FAXC: variants seen among roughly 807,000 people sequenced by gnomAD.
The protein encoded by FAXC is failed axon connections homolog, metaxin like GST domain containing.
A neutral mutation model predicts 41.9 loss-of-function variants in FAXC; 10 were observed. That is an observed-to-expected ratio of 0.24 (90% CI 0.15 to 0.41). The LOEUF is 0.41. FAXC is among the 10% of genes least tolerant of loss of function. FAXC has a pLI of 1.00. For missense variants in FAXC, 399 were observed against 510.9 expected (o/e 0.78, Z 2.11); for synonymous variants, 183 against 183.8 (o/e 1.00, Z 0.03).
chr6:99,305,212 CTT>C (rs974176092), intron 4 of FAXC, among the ~76,000 whole-genome samples: 1 of 152,146 alleles, frequency 6.6e-6, no homozygotes, highest in Non-Finnish European at 1.5e-5. Context: ...GGTAACCACT[CTT>C]AGTGTTAAAA....
chr6:99,349,029 G>A, intron 1 of FAXC, 78 bp downstream of exon 1: 1 of 1,394,156 alleles, frequency 7.2e-7, no homozygotes, highest in Non-Finnish European at 9.9e-7. Flanking sequence ...GGGCTGGCAC[G>A]GGCCCCTCTC....
chr6:99,310,572 T>A (rs1772115611), intron 4 of FAXC, among the ~76,000 whole-genome samples: 1 of 152,244 alleles, frequency 6.6e-6, no homozygotes, highest in African/African-American at 2.4e-5. Flanking sequence ...GTTTAGAGAA[T>A]GCTTAGAACC....
intron 1 of FAXC, among the ~76,000 whole-genome samples, chr6:99,348,872 G>A (rs1375772572): frequency 6.6e-6 from 1 of 152,226 alleles, no homozygotes; most frequent in Non-Finnish European, 1.5e-5. Flanking sequence ...GTGACCCAGA[G>A]CATTTTGGGA....
intron 3 of FAXC, among the ~76,000 whole-genome samples, chr6:99,331,218 C>G (rs1277950341): frequency 6.6e-6 from 1 of 152,124 alleles, no homozygotes; most frequent in Admixed American, 6.5e-5. Context: ...AATAGCTAAC[C>G]CCTCCAACAT....
chr6:99,291,648 C>G (rs1271392471), intron 5 of FAXC, 56 bp downstream of exon 5: 1 of 1,251,916 alleles, frequency 8.0e-7, no homozygotes, highest in Admixed American at 1.7e-5. Context: ...TGTGCTACCC[C>G]ACTGCCCACC....
intron 3 of FAXC, among the ~76,000 whole-genome samples, chr6:99,324,787 C>CATAAGACATTTTCA (rs1175774538): frequency 6.6e-6 from 1 of 152,148 alleles, no homozygotes; most frequent in Non-Finnish European, 1.5e-5. Context: ...CGAGTACAGG[C>CATAAGACATTTTCA]ATAAGACATT....
rs1773722569 is a variant in FAXC, at chr6:99,349,501, A to AGGC, written c.-132_-130dup. 2 of 626,640 alleles carry AGGC rather than the reference A, an allele frequency of 3.2e-6. No homozygotes were observed. The highest frequency in any genetic ancestry group is 4.0e-6 in the Non-Finnish European group (2 of 505,018). 38.8% of individuals were successfully genotyped at this position (626,640 alleles called of 1,614,324 possible). On this transcript the variant is annotated 5_prime_UTR_variant, in exon 1 of 6. Coordinates refer to ENST00000389677, the MANE Select transcript of FAXC (RefSeq NM_032511.4). ...GCGGCGCGGGCGGCGGCGACTGAGG[A>AGGC]GGCGGCGGCGACTGAGGAGGCGGCG... is the stretch of plus-strand genomic sequence containing the variant.
chr6:99,279,462 G>GGT lies in FAXC; in HGVS notation c.*1700_*1701dup, dbSNP rs959951033. On this transcript the variant is annotated 3_prime_UTR_variant, in exon 6 of 6. Coordinates refer to ENST00000389677, the MANE Select transcript of FAXC (RefSeq NM_032511.4). Reference sequence around the variant, plus strand: ...TTTGCAAATGCTATATTCAAAAAGAGGTTTTTTTTTTTTCAAGTAAAGTGC... The same window carrying GGT: ...TTTGCAAATGCTATATTCAAAAAGAGGTGTTTTTTTTTTTTCAAGTAAAGTGC... The GGT allele has an allele frequency of 1.3e-4, 17 of 134,266 alleles. No individual in the cohort carries two copies. The highest frequency in any genetic ancestry group is 1.1e-4 in the Non-Finnish European group (7 of 62,560). The allele number at this position is 134,266 out of a possible 1,614,324, so 8.3% of individuals were successfully genotyped here.
At chr6:99,326,302 G>T (rs1772800324) in intron 3 of FAXC, among the ~76,000 whole-genome samples, 1 of 152,178 alleles carries the variant, frequency 6.6e-6, no homozygotes, top group Admixed American at 6.5e-5. Flanking sequence ...GTGAGGCAAA[G>T]GCAGAAGGAA....
At position 99,333,503 on chromosome 6, in the gene FAXC, C is replaced by A; in HGVS notation, c.447G>T (p.Trp149Cys). ...AAACTTTTTCATGATTATATTCAATCCAAGGCATTTTCCCTTGAGCAGAGA... is the reference window on the plus strand; with the variant it reads ...AAACTTTTTCATGATTATATTCAATACAAGGCATTTTCCCTTGAGCAGAGA... ...GKLSAQGKMP[W>C]IEYNHEKVSG... Residue 149 changes from tryptophan (W) to cysteine (C), a missense_variant, in exon 3 of 6, where the codon TGG becomes TGT. Physicochemically the swap from Trp to Cys is radical, Grantham distance 215. This residue lies in a region of FAXC where 239 missense variants were observed against 352.7 expected (regional missense o/e 0.68). Transcript: ENST00000389677. 6.2e-7 allele frequency: 1 copy of A among 1,613,652 alleles called. No individual in the cohort carries two copies. Among genetic ancestry groups the A allele is most frequent in the Non-Finnish European group, 8.5e-7 (1 of 1,179,902 alleles).
At chr6:99,308,318 G>A (rs1206577010) in intron 4 of FAXC, among the ~76,000 whole-genome samples, 6 of 152,204 alleles carry the variant, frequency 3.9e-5, no homozygotes, top group Non-Finnish European at 7.3e-5. Context: ...ATTCTTACAA[G>A]TGATTAAAGA....
intron 4 of FAXC, among the ~76,000 whole-genome samples, chr6:99,306,505 A>C (rs747067336): frequency 1.3e-5 from 2 of 152,106 alleles, no homozygotes; most frequent in African/African-American, 4.8e-5. Context: ...AAGATCTAGA[A>C]AACAGCTGGG....
rs751790968 is a variant in FAXC, at chr6:99,349,166, C to G, written c.207G>C (p.Leu69Phe). 2 of 1,613,820 alleles carry G rather than the reference C, an allele frequency of 1.2e-6. No homozygotes were observed. Among genetic ancestry groups the G allele is most frequent in the Non-Finnish European group, 1.7e-6 (2 of 1,180,002 alleles). ...SDPWWKKTLY[L>F]TGGALLAAAA... Reference sequence around the variant, plus strand: ...CTGCGGCCAGCAAAGCTCCCCCGGTCAAGTAAAGGGTTTTCTTCCACCAGG... The same window carrying G: ...CTGCGGCCAGCAAAGCTCCCCCGGTGAAGTAAAGGGTTTTCTTCCACCAGG... The change falls in exon 1 of 6, where the codon TTG becomes TTC. Residue 69 changes from leucine (L) to phenylalanine (F), a missense_variant. Around this residue, in one of 3 missense-constraint regions of FAXC, gnomAD observed 239 missense variants for 352.7 expected, o/e 0.68. Coordinates refer to ENST00000389677, the MANE Select transcript of FAXC (RefSeq NM_032511.4).
intron 2 of FAXC, among the ~76,000 whole-genome samples, chr6:99,337,757 G>C (rs1478316526): frequency 2.0e-5 from 3 of 152,038 alleles, no homozygotes; most frequent in East Asian, 1.9e-4. Flanking sequence ...TCTTGATAGA[G>C]AAAAATAATA....
At chr6:99,326,977 A>G (rs1772834625) in intron 3 of FAXC, among the ~76,000 whole-genome samples, 2 of 152,130 alleles carry the variant, frequency 1.3e-5, no homozygotes, top group Admixed American at 6.6e-5. Flanking sequence ...TGCCAGTGCA[A>G]TGGTGTGGGA....
chr6:99,281,593 G>A (rs1770839111), intron 5 of FAXC, 140 bp from the exon 6 acceptor site: 4 of 665,666 alleles, frequency 6.0e-6, no homozygotes, highest in Non-Finnish European at 7.6e-6. Flanking sequence ...CCTTTAAGAG[G>A]TGGTTCGTTC....
intron 1 of FAXC, among the ~76,000 whole-genome samples, chr6:99,345,839 G>A (rs944877635): frequency 2.0e-5 from 3 of 152,186 alleles, no homozygotes; most frequent in African/African-American, 7.2e-5. Flanking sequence ...TAAGATAGCT[G>A]CCAAGCTATC....
In FAXC at chr6:99,328,080, C is replaced by T. The variant is rs1017574094; in HGVS notation, c.600-4413G>A. On this transcript the variant is annotated intron_variant, in intron 3 of 5. Coordinates refer to ENST00000389677, the MANE Select transcript of FAXC (RefSeq NM_032511.4). ...ACAGCTCCTTTGCATGGCATGCCAG[C>T]CCCTCTCCCCACAGTCTAACCCCTC... Among the ~76,000 whole-genome samples the T allele has an allele frequency of 3.3e-5, 5 of 152,308 alleles. No homozygotes were observed. In the East Asian group the frequency reaches 9.7e-4, roughly 29 times the overall value.
intron 5 of FAXC, among the ~76,000 whole-genome samples, 183 bp downstream of exon 5, chr6:99,291,521 T>C (rs557614069): frequency 6.6e-6 from 1 of 152,254 alleles, no homozygotes; most frequent in East Asian, 1.9e-4. Context: ...AGAAGCCCAG[T>C]CTCTCTTCCA....
Sources: allele counts gnomAD v4.1 joint callset (sites outside exome capture counted in the v4.1 genomes callset), GRCh38; gene constraint gnomAD v4.1.1; regional missense constraint gnomAD v4.1.1; transcripts MANE v1.5; gene names NCBI Gene and HGNC (gene_info 2026-07-23, HGNC 2026-07-21).